Variants in FBN3 observed in about 807,000 individuals in gnomAD.
FBN3 encodes fibrillin 3.
FBN3 carries 234 observed loss-of-function variants against 330.1 expected under a neutral mutation model. That is an observed-to-expected ratio of 0.71 (90% CI 0.64 to 0.79). The LOEUF is 0.79. Among genes scored for constraint, FBN3 ranks in the 30% least tolerant of loss-of-function variants. The pLI, the probability that FBN3 is intolerant of heterozygous loss-of-function variation, is 0.00. For missense variants in FBN3, 3,606 were observed against 3,886.9 expected (o/e 0.93, Z 1.92); for synonymous variants, 1,458 against 1,517.3 (o/e 0.96, Z 0.91).
rs34591995 is a variant in FBN3, at chr19:8,123,893, G to C, written c.2847C>G (p.Val949=). The C allele has an allele frequency of 2.5e-6, 4 of 1,613,798 alleles. No homozygotes were observed. The highest frequency in any genetic ancestry group is 3.4e-6 in the Non-Finnish European group (4 of 1,180,008). The stretch of plus-strand genomic sequence containing the variant: ...CGGGATCCGGGCAGGCCTCGCACTC[G>C]ACTCCCCACACGGCCCCGATGGAGC... The part of the protein sequence containing the change: ...CCCSIGAVWG[V]ECEACPDPES... The change falls in exon 23 of 64, where the codon GTC becomes GTG. Residue 949 remains valine, a synonymous_variant. Transcript: ENST00000600128.
At position 8,121,224 on chromosome 19, in the gene FBN3, G is replaced by A. The variant is rs2082840353; in HGVS notation, c.3211+34C>T. On this transcript the variant is annotated intron_variant, in intron 25 of 63. Transcript: ENST00000600128. The surrounding 1 kb of genome is among the most constrained non-coding windows in gnomAD (Gnocchi z 4.5). Reference sequence around the variant, plus strand: ...CTCCTCAATGCCCTCCCTGCCCAGGGCGCCCACCACACCCCTGCCCGGCAG... The same window carrying A: ...CTCCTCAATGCCCTCCCTGCCCAGGACGCCCACCACACCCCTGCCCGGCAG... 1 of 1,555,020 alleles carries A rather than the reference G, an allele frequency of 6.4e-7. No individual in the cohort carries two copies. The highest frequency in any genetic ancestry group is 8.7e-7 in the Non-Finnish European group (1 of 1,146,176).
intron 36 of FBN3, 69 bp from the exon 37 acceptor site, chr19:8,108,307 C>G: frequency 7.8e-7 from 1 of 1,275,688 alleles, no homozygotes; most frequent in South Asian, 1.3e-5. Flanking sequence ...AGGGGAGCAA[C>G]AGCAGGAAGC....
chr19:8,111,624 GCCCTCCCAC>G lies in FBN3; in HGVS notation c.4084+15_4084+23del. On this transcript the variant is annotated intron_variant, in intron 32 of 63. Coordinates refer to ENST00000600128, the MANE Select transcript of FBN3 (RefSeq NM_032447.5). ...CCGTGGCTGTCCCTCTAGGGCCCCT[GCCCTCCCAC>G]CCCTCTAATCTCACCTTCGCAGAAG... 1 of 1,453,540 alleles carries G rather than the reference GCCCTCCCAC, an allele frequency of 6.9e-7. No individual in the cohort carries two copies. Among genetic ancestry groups the G allele is most frequent in the Non-Finnish European group, 9.4e-7 (1 of 1,059,538 alleles). The allele number at this position is 1,453,540 out of a possible 1,614,324, so 90.0% of individuals were successfully genotyped here. A position where few individuals can be genotyped will look rare whatever the true frequency, so the allele number is the denominator to read the frequency against.
chr19:8,082,334 T>C (rs924131297), intron 57 of FBN3, among the ~76,000 whole-genome samples: 4 of 145,022 alleles, frequency 2.8e-5, no homozygotes, highest in Admixed American at 2.2e-4. Flanking sequence ...TTTCTGTTTC[T>C]TTCTCTTTCT....
chr19:8,126,952 A>G, intron 18 of FBN3, 120 bp from the exon 19 acceptor site: 1 of 1,120,864 alleles, frequency 8.9e-7, no homozygotes, highest in Non-Finnish European at 1.2e-6. Context: ...CAGATGCACA[A>G]GCATGCAGAG....
Position 8,086,246 on chromosome 19 carries a change from G to A in FBN3, c.6834C>T (p.Asp2278=), listed in dbSNP as rs758533973. The change falls in exon 55 of 64, where the codon GAC becomes GAT. Residue 2278 remains aspartate (D), a synonymous_variant. Coordinates refer to ENST00000600128, the MANE Select transcript of FBN3 (RefSeq NM_032447.5). ...GGCTGGGCTGGAATCCCTCATCACA[G>A]TCGCACCGGAAGCTGCCCGCGGTGT... The part of the protein sequence containing the change: ...CVNTAGSFRC[D]CDEGFQPSPT... 8 of 1,611,250 alleles carry A rather than the reference G, an allele frequency of 5.0e-6. No individual in the cohort carries two copies. In the East Asian group the frequency reaches 1.6e-4, roughly 32 times the overall value.
At chr19:8,125,118 C>G (rs2082947251) in intron 22 of FBN3, among the ~76,000 whole-genome samples, 1 of 152,130 alleles carries the variant, frequency 6.6e-6, no homozygotes, top group Non-Finnish European at 1.5e-5. Flanking sequence ...ATACTGTCCT[C>G]AAAGATAAAT....
intron 50 of FBN3, 93 bp downstream of exon 50, chr19:8,089,801 T>G (rs1355028975): frequency 1.3e-6 from 2 of 1,527,394 alleles, no homozygotes; most frequent in Non-Finnish European, 1.8e-6. Flanking sequence ...ACCCAGGCTC[T>G]CAGGGGGAGC....
In FBN3 at chr19:8,125,785, C is replaced by T. The variant is rs575203268; in HGVS notation, c.2731+107G>A. 8.9e-5 allele frequency: 111 copies of T among 1,253,660 alleles called. 1 individual carries two copies. In the East Asian group the frequency reaches 3.0e-3, roughly 34 times the overall value. 77.7% of individuals were successfully genotyped at this position (1,253,660 alleles called of 1,614,324 possible). A position where few individuals can be genotyped will look rare whatever the true frequency, so the allele number is the denominator to read the frequency against. On this transcript the variant is annotated intron_variant, in intron 22 of 63. Transcript: ENST00000600128. Reference sequence around the variant, plus strand: ...CAGCCTGGGCGACAGAGCGAGACTCCATCTCAAAAAAAAAAAAAAAAATCT... The same window carrying T: ...CAGCCTGGGCGACAGAGCGAGACTCTATCTCAAAAAAAAAAAAAAAAATCT...
chr19:8,103,260 C>CT (rs2082366348), intron 39 of FBN3, among the ~76,000 whole-genome samples: 1 of 75,736 alleles, frequency 1.3e-5, no homozygotes. Context: ...GAGTGAGACT[C>CT]TATCTCAAAA....
chr19:8,134,858 C>T lies in FBN3; in HGVS notation c.1591+1103G>A, dbSNP rs201071491. 3.6e-4 allele frequency among the ~76,000 whole-genome samples: 54 copies of T among 151,478 alleles called. No homozygotes were observed. The East Asian group carries it at 9.3e-3, about 26-fold the overall frequency. On this transcript the variant is annotated intron_variant, in intron 13 of 63. Coordinates refer to ENST00000600128, the MANE Select transcript of FBN3 (RefSeq NM_032447.5). Reference sequence around the variant, plus strand: ...CTGAGGCAGGAGAATCACTTGAACCCGGGCAGCAGAGGTTGCAGTGAGCCA... The same window carrying T: ...CTGAGGCAGGAGAATCACTTGAACCTGGGCAGCAGAGGTTGCAGTGAGCCA...
intron 10 of FBN3, among the ~76,000 whole-genome samples, chr19:8,137,741 G>T (rs1457452070): frequency 6.6e-6 from 1 of 151,972 alleles, no homozygotes; most frequent in Non-Finnish European, 1.5e-5. Flanking sequence ...CAATCCTCCT[G>T]CCTCTTCCTC....
intron 30 of FBN3, 23 bp downstream of exon 30, chr19:8,115,492 T>G (rs979168503): frequency 6.2e-7 from 1 of 1,612,394 alleles, no homozygotes; most frequent in African/African-American, 1.3e-5. Flanking sequence ...CCCCTCTGCC[T>G]GCACCGCTGA....
rs2082999970 is a variant in FBN3 at position 8,126,801 on chromosome 19, C to T, written c.2328G>A (p.Val776=). The change falls in exon 19 of 64, where the codon GTG becomes GTA. Residue 776 remains valine (V), a synonymous_variant. Coordinates refer to ENST00000600128, the MANE Select transcript of FBN3 (RefSeq NM_032447.5). ...CGGCCAGGTTCCGACAGACGCCACTCACACACGGGCTGGACAGGCATTCGT... is the reference window on the plus strand; with the variant it reads ...CGGCCAGGTTCCGACAGACGCCACTTACACACGGGCTGGACAGGCATTCGT... ...DVDECLSSPC[V]SGVCRNLAGS... is the part of the protein sequence containing the mutation. The T allele has an allele frequency of 1.3e-6, 2 of 1,582,564 alleles. No individual in the cohort carries two copies. The highest frequency in any genetic ancestry group is 1.7e-6 in the Non-Finnish European group (2 of 1,167,644).
chr19:8,102,706 T>A lies in FBN3; in HGVS notation c.5089+18A>T, dbSNP rs62126077. ...AGGAGGGGCCAGGCTGGGAAGAAGG[T>A]TGGGGAGGGTTACTCACGACTGATG... On this transcript the variant is annotated intron_variant, in intron 40 of 63. Transcript: ENST00000600128. 4 of 1,604,638 alleles carry A rather than the reference T, an allele frequency of 2.5e-6. No homozygotes were observed. The highest frequency in any genetic ancestry group is 3.3e-5 in the Admixed American group (2 of 59,836).
chr19:8,075,045 G>T (rs2081607076), intron 61 of FBN3, 26 bp downstream of exon 61: 4 of 1,596,802 alleles, frequency 2.5e-6, no homozygotes, highest in Non-Finnish European at 2.6e-6. Context: ...GGAGGGCCCA[G>T]CTTCTTCCCA....
chr19:8,136,111 C>A, intron 12 of FBN3, 25 bp from the exon 13 acceptor site: 1 of 1,612,708 alleles, frequency 6.2e-7, no homozygotes, highest in South Asian at 1.1e-5. Flanking sequence ...GGCGGGCAGT[C>A]AAGAGGTGCT....
Position 8,121,299 on chromosome 19 carries a change from G to A in FBN3, c.3170C>T (p.Pro1057Leu). 1 of 1,613,020 alleles carries A rather than the reference G, an allele frequency of 6.2e-7. No homozygotes were observed. The highest frequency in any genetic ancestry group is 8.5e-7 in the Non-Finnish European group (1 of 1,179,414). ...TPGSFECECF[P>L]GYESGFMLMK... ...CAGCATGAAGCCACTCTCGTAGCCG[G>A]GAAAACACTCGCACTCAAAGCTGCC... The change falls in exon 25 of 64, where the codon CCC (proline) becomes CTC (leucine). Residue 1057 changes from proline to leucine, a missense_variant. Transcript: ENST00000600128. This position sits in a 1 kb window ranked among gnomAD's most constrained non-coding sequence, Gnocchi z 4.5.
intron 51 of FBN3, among the ~76,000 whole-genome samples, 190 bp from the exon 52 acceptor site, chr19:8,088,369 G>A (rs1354187484): frequency 1.3e-5 from 2 of 152,268 alleles, no homozygotes; most frequent in African/African-American, 4.8e-5. Flanking sequence ...CAAGTGGGCA[G>A]GTAAAGGAAT....
Sources: gnomAD v4.1 joint callset for allele counts (sites outside exome capture counted in the v4.1 genomes callset) on GRCh38, gnomAD v4.1.1 for gene constraint, Gnocchi (gnomAD v3.1) non-coding constraint, MANE v1.5 for transcripts, NCBI Gene and HGNC (gene_info 2026-07-23, HGNC 2026-07-21) for gene names.